PDE1A: variants seen among roughly 807,000 people sequenced by gnomAD.
PDE1A encodes phosphodiesterase 1A.
In PDE1A, 35 loss-of-function variants were observed where a neutral mutation model predicts 61.7. The observed-to-expected ratio is 0.57, with a 90% CI of 0.43 to 0.75. The LOEUF (loss-of-function observed/expected upper bound fraction) is 0.75, where lower values mean the gene tolerates loss of function less well. PDE1A is among the 30% of genes least tolerant of loss of function. The probability of loss-of-function intolerance (pLI) is 0.00; values close to 1 mark genes in which losing one functional copy is unlikely to be tolerated. For missense variants in PDE1A, 597 were observed against 630.6 expected, an observed-to-expected ratio of 0.95 and a Z score of 0.57; for synonymous variants, 232 against 213.2, an observed-to-expected ratio of 1.09 and a Z score of -0.77.
upstream of PDE1A, among the ~76,000 whole-genome samples, chr2:182,523,899 T>C (rs1000608615): frequency 1.1e-4 from 17 of 152,182 alleles, no homozygotes; most frequent in Non-Finnish European, 4.4e-5. Flanking sequence ...TCAGTTATAA[T>C]GTGTACGTAA....
intron 2 of PDE1A, among the ~76,000 whole-genome samples, chr2:182,464,080 C>G (rs914149087): frequency 6.6e-6 from 1 of 152,152 alleles, no homozygotes. Context: ...AGCTCTCTCC[C>G]CCATCCTGAC....
chr2:182,384,116 C>T (rs938748042), intron 1 of PDE1A, among the ~76,000 whole-genome samples: 20 of 152,198 alleles, frequency 1.3e-4, no homozygotes, highest in African/African-American at 4.8e-4. Flanking sequence ...GACAGGCAGC[C>T]CTCAGTGGCT....
intron 1 of PDE1A, among the ~76,000 whole-genome samples, chr2:182,426,100 T>G (rs536586837): frequency 6.6e-5 from 10 of 152,316 alleles, no homozygotes; most frequent in African/African-American, 2.4e-4. Context: ...ACTGCTGGTC[T>G]GATATTCCTG....
intron 1 of PDE1A, among the ~76,000 whole-genome samples, chr2:182,388,402 C>T (rs1701240570): frequency 6.6e-6 from 1 of 152,134 alleles, no homozygotes; most frequent in African/African-American, 2.4e-5. Context: ...AAAACATTCT[C>T]CAGGACTGAT....
At chr2:182,641,468 A>G in the PDE1A span, among the ~76,000 whole-genome samples, 1 of 152,182 alleles carries the variant, frequency 6.6e-6, no homozygotes, top group African/African-American at 2.4e-5. Flanking sequence ...GTATTTCAAC[A>G]TTTTTCCCAA....
At chr2:182,178,316 T>C (rs895971256) in intron 13 of PDE1A, among the ~76,000 whole-genome samples, 1 of 152,068 alleles carries the variant, frequency 6.6e-6, no homozygotes, top group Non-Finnish European at 1.5e-5. Context: ...TGGATCTAGG[T>C]TTTCCCTAAG....
intron 1 of PDE1A, among the ~76,000 whole-genome samples, chr2:182,309,222 A>G (rs1393505078): frequency 1.3e-5 from 2 of 152,058 alleles, no homozygotes; most frequent in African/African-American, 4.8e-5. Context: ...TATTTTACAG[A>G]ACCATGTTTT....
At chr2:182,674,481 T>C in the PDE1A span, among the ~76,000 whole-genome samples, 2 of 152,086 alleles carry the variant, frequency 1.3e-5, no homozygotes, top group African/African-American at 4.8e-5. Flanking sequence ...AAAAAGCCAG[T>C]ATCATCCCTA....
chr2:182,576,666 A>AC, the PDE1A span, among the ~76,000 whole-genome samples: 1 of 152,114 alleles, frequency 6.6e-6, no homozygotes, highest in Non-Finnish European at 1.5e-5. Context: ...TGGCTACACC[A>AC]TTTTATATCC....
At chr2:182,425,062 T>C (rs529394678) in intron 1 of PDE1A, among the ~76,000 whole-genome samples, 59 of 152,278 alleles carry the variant, frequency 3.9e-4, no homozygotes, top group Middle Eastern at 6.8e-3. Flanking sequence ...CCTAAGCATA[T>C]AATTAATTAA....
At chr2:182,143,245 C>T (rs1359398396), downstream of PDE1A, among the ~76,000 whole-genome samples, 2 of 151,832 alleles carry the variant, frequency 1.3e-5, no homozygotes, top group African/African-American at 4.8e-5. Context: ...GTTCTCCCCA[C>T]AAAAAGAGAT....
chr2:182,361,392 T>C (rs1054781366), intron 1 of PDE1A, among the ~76,000 whole-genome samples: 1 of 152,112 alleles, frequency 6.6e-6, no homozygotes, highest in African/African-American at 2.4e-5. Flanking sequence ...CAAATGATAC[T>C]TGCTTTTGCT....
the PDE1A span, among the ~76,000 whole-genome samples, chr2:182,534,994 A>G: frequency 6.6e-6 from 1 of 152,004 alleles, no homozygotes; most frequent in Non-Finnish European, 1.5e-5. Flanking sequence ...TTTTTTCCAA[A>G]GATTAAATGA....
the PDE1A span, among the ~76,000 whole-genome samples, chr2:182,576,009 C>A: frequency 6.7e-6 from 1 of 149,346 alleles, no homozygotes; most frequent in South Asian, 2.1e-4. Flanking sequence ...TAAGAACACA[C>A]TAGGTGCTGT....
At chr2:182,270,146 T>G (rs1342947459) in intron 1 of PDE1A, among the ~76,000 whole-genome samples, 3 of 152,126 alleles carry the variant, frequency 2.0e-5, no homozygotes, top group African/African-American at 7.2e-5. Context: ...TTCCTTACCT[T>G]CTAACGATCA....
At chr2:182,585,361 A>G in the PDE1A span, among the ~76,000 whole-genome samples, 3 of 152,222 alleles carry the variant, frequency 2.0e-5, no homozygotes, top group East Asian at 1.9e-4. Context: ...TTATTCTTCA[A>G]TGTCCTCAAT....
At chr2:182,432,045 C>A (rs1229066797), upstream of PDE1A, among the ~76,000 whole-genome samples, 1 of 151,984 alleles carries the variant, frequency 6.6e-6, no homozygotes, top group East Asian at 1.9e-4. Flanking sequence ...AAGTTCTGTT[C>A]TATTATAAAG....
intron 2 of PDE1A, among the ~76,000 whole-genome samples, chr2:182,489,801 G>A (rs1688263941): frequency 7.7e-6 from 1 of 129,320 alleles, no homozygotes; most frequent in African/African-American, 3.1e-5. Flanking sequence ...AAGAGGTGTT[G>A]GATAAACTGT....
At chr2:182,189,179 T>C (rs558432638) in intron 10 of PDE1A, 119 bp from the exon 11 acceptor site, 1 of 582,214 alleles carries the variant, frequency 1.7e-6, no homozygotes, top group African/African-American at 1.9e-5. Flanking sequence ...CAATACTTTT[T>C]TCTTATTTAT....
Sources: allele counts gnomAD v4.1 joint callset (sites outside exome capture counted in the v4.1 genomes callset), GRCh38; gene constraint gnomAD v4.1.1; transcripts MANE v1.5; gene names NCBI Gene and HGNC (gene_info 2026-07-23, HGNC 2026-07-21).